ZZEF1: variants seen among roughly 807,000 people sequenced by gnomAD.
ZZEF1 encodes zinc finger ZZ-type and EF-hand domain containing 1.
A neutral mutation model predicts 342.8 loss-of-function variants in ZZEF1; 157 were observed. The observed-to-expected ratio is 0.46, with a 90% CI of 0.40 to 0.52. ZZEF1 has a LOEUF of 0.52. Ranked by LOEUF, ZZEF1 falls within the 20% of genes least tolerant of loss-of-function variation. The pLI is 0.00. For missense variants in ZZEF1, 3,480 were observed against 3,725.6 expected (o/e 0.93, Z 1.72); for synonymous variants, 1,505 against 1,429.1 (o/e 1.05, Z -1.20).
rs1210902308 is a variant in ZZEF1, at chr17:4,086,616, C to T, written c.2382G>A (p.Leu794=). The T allele has an allele frequency of 6.2e-7, 1 of 1,614,098 alleles. No homozygotes were observed. Among genetic ancestry groups the T allele is most frequent in the East Asian group, 2.2e-5 (1 of 44,888 alleles). ...EECVSAQTLL[L]QLLQSCFSVL... ...CAGAGAAGCAGCTCTGGAGTAGCTG[C>T]AGAAGCAGGGTTTGGGCAGAGACGC... The change falls in exon 15 of 55, where the codon CTG becomes CTA. Residue 794 remains leucine, a synonymous_variant. Coordinates refer to ENST00000381638, the MANE Select transcript of ZZEF1 (RefSeq NM_015113.4).
At chr17:4,057,593 T>C (rs1408327763) in intron 32 of ZZEF1, among the ~76,000 whole-genome samples, 5 of 152,122 alleles carry the variant, frequency 3.3e-5, no homozygotes, top group Non-Finnish European at 7.4e-5. Context: ...CATATACATG[T>C]AACAAAAATT....
Position 4,016,921 on chromosome 17 carries a change from A to G in ZZEF1, c.8001+450T>C. 5.2e-6 allele frequency: 1 copy of G among 193,696 alleles called. No individual in the cohort carries two copies. Among genetic ancestry groups the G allele is most frequent in the South Asian group, 1.1e-4 (1 of 9,032 alleles). The allele number at this position is 193,696 out of a possible 1,614,324, so 12.0% of individuals were successfully genotyped here. A position where few individuals can be genotyped will look rare whatever the true frequency, so the allele number is the denominator to read the frequency against. On this transcript the variant is annotated intron_variant, in intron 48 of 54. Transcript: ENST00000381638. This position sits in a 1 kb window ranked among gnomAD's most constrained non-coding sequence, Gnocchi z 4.4. ...TGGCTCCCTCTGTCCCTTCCGAAAG[A>G]TAGATATGCTAGAGCAAGCCTGCCA...
chr17:4,017,659 T>C lies in ZZEF1; in HGVS notation c.7713A>G (p.Thr2571=), dbSNP rs1287029661. 6.8e-6 allele frequency: 11 copies of C among 1,614,114 alleles called. No individual in the cohort carries two copies. Among genetic ancestry groups the C allele is most frequent in the Non-Finnish European group, 9.3e-6 (11 of 1,180,044 alleles). ...CATAGCTCTGCTGCAGTTCGCTCTCTGTGCTGGAGATCAGCTTCTGGGTCA... is the reference window on the plus strand; with the variant it reads ...CATAGCTCTGCTGCAGTTCGCTCTCCGTGCTGGAGATCAGCTTCTGGGTCA... The part of the protein sequence containing the change: ...NPVTQKLISS[T]ESELQQSYAK... Residue 2571 remains threonine, a synonymous_variant, in exon 48 of 55, where the codon ACA becomes ACG. Coordinates refer to ENST00000381638, the MANE Select transcript of ZZEF1 (RefSeq NM_015113.4). This position sits in a 1 kb window ranked among gnomAD's most constrained non-coding sequence, Gnocchi z 5.1.
At chr17:4,123,106 G>C (rs534876506) in intron 2 of ZZEF1, among the ~76,000 whole-genome samples, 1 of 151,112 alleles carries the variant, frequency 6.6e-6, no homozygotes, top group African/African-American at 2.4e-5. Flanking sequence ...ATTTTCAGTA[G>C]AGACGGGGTT....
Position 4,017,574 on chromosome 17 carries a change from T to C in ZZEF1, c.7798A>G (p.Lys2600Glu), listed in dbSNP as rs761243027. 9.9e-6 allele frequency: 16 copies of C among 1,614,128 alleles called. No individual in the cohort carries two copies. The South Asian group carries it at 1.8e-4, about 18-fold the overall frequency. Residue 2600 changes from lysine to glutamate, a missense_variant, in exon 48 of 55, where the codon AAG (lysine) becomes GAG (glutamate). Transcript: ENST00000381638. The surrounding 1 kb of genome is among the most constrained non-coding windows in gnomAD (Gnocchi z 5.1). ...AAGAGGTAGTCCCGGACAGCCCTCT[T>C]ACTCTTGCAGTTCAGCTCCTTGTGC... ...LLHKELNCKS[K>E]RAVRDYLFRV...
intron 26 of ZZEF1, among the ~76,000 whole-genome samples, chr17:4,069,459 T>C (rs926512731): frequency 5.9e-5 from 9 of 152,174 alleles, no homozygotes; most frequent in African/African-American, 1.7e-4. Context: ...CAAGATGTTT[T>C]AACAATCAGA....
chr17:4,091,114 G>C (rs976352056), intron 11 of ZZEF1, among the ~76,000 whole-genome samples: 1 of 152,154 alleles, frequency 6.6e-6, no homozygotes, highest in African/African-American at 2.4e-5. Flanking sequence ...ACAGAAAGTC[G>C]GGCATTGTGG....
intron 45 of ZZEF1, 49 bp downstream of exon 45, chr17:4,021,080 C>T (rs763386214): frequency 1.0e-5 from 16 of 1,528,050 alleles, no homozygotes; most frequent in Non-Finnish European, 1.2e-5. Flanking sequence ...CAAAGAGAAG[C>T]CATCCCTCAG....
intron 39 of ZZEF1, among the ~76,000 whole-genome samples, chr17:4,039,384 C>A (rs62072400): frequency 6.6e-5 from 10 of 151,762 alleles, no homozygotes; most frequent in Non-Finnish European, 1.2e-4. Flanking sequence ...GCACAAGGAT[C>A]GCTTGAACCC....
Position 4,064,536 on chromosome 17 carries a change from C to T in ZZEF1, c.4543G>A (p.Glu1515Lys), listed in dbSNP as rs1490815826. Residue 1515 changes from glutamate (E) to lysine (K), a missense_variant, in exon 29 of 55, where the codon GAG becomes AAG. By Grantham distance (56) the Glu-to-Lys change is moderately conservative. Coordinates refer to ENST00000381638, the MANE Select transcript of ZZEF1 (RefSeq NM_015113.4). ...GTGGGTGTGGAAGGTGACAAGGGCT[C>T]TTCAGCTGTGGCAGGGGACACGTCT... The part of the protein sequence containing the change: ...AADVSPATAE[E>K]PLSPSTPTRR... The T allele has an allele frequency of 6.2e-7, 1 of 1,614,176 alleles. No homozygotes were observed. The highest frequency in any genetic ancestry group is 1.7e-5 in the Admixed American group (1 of 60,016).
intron 39 of ZZEF1, among the ~76,000 whole-genome samples, chr17:4,035,333 A>G (rs2056637005): frequency 6.6e-6 from 1 of 152,202 alleles, no homozygotes; most frequent in African/African-American, 2.4e-5. Flanking sequence ...CAAAGAACAA[A>G]AAGTTCTTGG....
At position 4,066,559 on chromosome 17, in the gene ZZEF1, C is replaced by T; in HGVS notation, c.4156-19G>A. ...TCTCTAACTAGGGGAGAATTTGAGC[C>T]ACATCATTATGCTGTCCAGGCAGGG... On this transcript the variant is annotated intron_variant, in intron 27 of 54. Transcript: ENST00000381638. 6.2e-7 allele frequency: 1 copy of T among 1,611,914 alleles called. No homozygotes were observed. The highest frequency in any genetic ancestry group is 1.3e-5 in the African/African-American group (1 of 74,966).
chr17:4,051,380 A>G (rs1292453167), intron 35 of ZZEF1, among the ~76,000 whole-genome samples: 1 of 152,166 alleles, frequency 6.6e-6, no homozygotes, highest in Non-Finnish European at 1.5e-5. Flanking sequence ...GGTATAAAGT[A>G]TGTAGGAAGG....
intron 43 of ZZEF1, among the ~76,000 whole-genome samples, chr17:4,024,186 G>GTTTTTTTTT (rs754985234): frequency 0.025 from 2,350 of 94,348 alleles, 324 homozygotes; most frequent in Non-Finnish European, 0.037. Context: ...TATTGCCCAG[G>GTTTTTTTTT]TTTTTTTTTT....
In ZZEF1 at chr17:4,078,015, G is replaced by C. The variant is rs754232416; in HGVS notation, c.2857C>G (p.Pro953Ala). The C allele has an allele frequency of 7.2e-5, 116 of 1,613,810 alleles. No individual in the cohort carries two copies. Among genetic ancestry groups the C allele is most frequent in the Non-Finnish European group, 9.3e-5 (110 of 1,179,996 alleles). The change falls in exon 19 of 55, where the codon CCA becomes GCA. Residue 953 changes from proline to alanine, a missense_variant. Physicochemically the swap from Pro to Ala is conservative, Grantham distance 27. Coordinates refer to ENST00000381638, the MANE Select transcript of ZZEF1 (RefSeq NM_015113.4). ...AAGAGCACAGAGCCCACCTCCCCTG[G>C]GGCCCCACTGAGCATTAACAGCTCG... is the stretch of plus-strand genomic sequence containing the variant. ...ECELLMLSGA[P>A]GEVGSVLFSL...
At position 4,008,490 on chromosome 17, in the gene ZZEF1, G is replaced by T. The variant is rs2055860734; in HGVS notation, c.8805+393C>A. 1 of 1,004,710 alleles carries T rather than the reference G, an allele frequency of 1.0e-6. No homozygotes were observed. Among genetic ancestry groups the T allele is most frequent in the East Asian group, 9.9e-5 (1 of 10,102 alleles). The allele number at this position is 1,004,710 out of a possible 1,614,324, so 62.2% of individuals were successfully genotyped here. A position where few individuals can be genotyped will look rare whatever the true frequency, so the allele number is the denominator to read the frequency against. On this transcript the variant is annotated intron_variant, in intron 54 of 54. Transcript: ENST00000381638. The surrounding 1 kb of genome is among the most constrained non-coding windows in gnomAD (Gnocchi z 4.2). The stretch of plus-strand genomic sequence containing the variant: ...ATCCAAAAGCTTTCTGAGCTCCTCA[G>T]TCAGTGAAAAGTGTGAAGCGTCCTG...
At chr17:4,106,431 T>C (rs1012661088) in intron 6 of ZZEF1, among the ~76,000 whole-genome samples, 1 of 151,936 alleles carries the variant, frequency 6.6e-6, no homozygotes, top group Admixed American at 6.6e-5. Flanking sequence ...GCAGAGCAGC[T>C]TGAGGCTCAG....
rs190125447 is a variant in ZZEF1, at chr17:4,142,977, G to A, written c.-82C>T. On this transcript the variant is annotated 5_prime_UTR_variant, in exon 1 of 55. Transcript: ENST00000381638. Reference sequence around the variant, plus strand: ...GACCTGTCAACCTCCGACAGCAGCTGGCGGGCGGGGACGCGGAGGAGACGA... The same window carrying A: ...GACCTGTCAACCTCCGACAGCAGCTAGCGGGCGGGGACGCGGAGGAGACGA... 2.0e-3 allele frequency: 2,467 copies of A among 1,262,132 alleles called. 41 individuals carry two copies. The African/African-American group carries it at 0.035, about 18-fold the overall frequency. The allele number at this position is 1,262,132 out of a possible 1,614,324, so 78.2% of individuals were successfully genotyped here. A position where few individuals can be genotyped will look rare whatever the true frequency, so the allele number is the denominator to read the frequency against.
chr17:4,098,690 A>G (rs1195794495), intron 9 of ZZEF1, among the ~76,000 whole-genome samples: 1 of 152,172 alleles, frequency 6.6e-6, no homozygotes, highest in Non-Finnish European at 1.5e-5. Context: ...AACCAATTTC[A>G]TGCTTCCTGT....
Sources: gnomAD v4.1 joint callset for allele counts (sites outside exome capture counted in the v4.1 genomes callset) on GRCh38, gnomAD v4.1.1 for gene constraint, Gnocchi (gnomAD v3.1) non-coding constraint, MANE v1.5 for transcripts, NCBI Gene and HGNC (gene_info 2026-07-23, HGNC 2026-07-21) for gene names.